CHD8: variants seen among roughly 807,000 people sequenced by gnomAD.
CHD8 encodes the protein chromodomain helicase DNA binding protein 8, also known as ATP-dependent chromatin remodeler CHD8.
CHD8 carries 31 observed loss-of-function variants against 279.2 expected under a neutral mutation model. The observed-to-expected ratio is 0.11, with a 90% confidence interval of 0.08 to 0.15. The LOEUF is 0.15. Among genes scored for constraint, CHD8 ranks in the 10% least tolerant of loss-of-function variants. The pLI is 1.00. For missense variants in CHD8, 2,146 were observed against 3,230.5 expected (o/e 0.66, Z 8.14); for synonymous variants, 1,081 against 1,139.6 (o/e 0.95, Z 1.04).
rs1888695150 is a variant in CHD8 at position 21,415,773 on chromosome 14, T to A, written c.1851A>T (p.Pro617=). The A allele has an allele frequency of 6.2e-7, 1 of 1,613,866 alleles. No individual in the cohort carries two copies. The highest frequency in any genetic ancestry group is 2.2e-5 in the East Asian group (1 of 44,868). Residue 617 remains proline (P), a synonymous_variant, in exon 6 of 38, where the codon CCA becomes CCT. Transcript: ENST00000646647. ...AAGTCTCGCCATCTGGTTCTTGCACTGGTTCAGGGAGGATAGGCTCAGGTT... is the reference window on the plus strand; with the variant it reads ...AAGTCTCGCCATCTGGTTCTTGCACAGGTTCAGGGAGGATAGGCTCAGGTT... ...PIKPEPILPE[P]VQEPDGETLP... is the part of the protein sequence containing the mutation.
At chr14:21,390,228 C>G (rs976822244) in intron 37 of CHD8, among the ~76,000 whole-genome samples, 1 of 151,946 alleles carries the variant, frequency 6.6e-6, no homozygotes, top group Non-Finnish European at 1.5e-5. Flanking sequence ...AGAGTGAGAC[C>G]ATGTCTCAAA....
In CHD8 at chr14:21,392,533, T is replaced by G; in HGVS notation, c.6745A>C (p.Lys2249Gln). The change falls in exon 34 of 38, where the codon AAG (lysine) becomes CAG (glutamine). Residue 2249 changes from lysine (K) to glutamine (Q), a missense_variant. This residue lies in a region of CHD8 where 513 missense variants were observed against 637.6 expected (regional missense o/e 0.80). Transcript: ENST00000646647. ...FTKLRRGMDEKEFTVQIKDEE... is the reference protein window; with the variant it reads ...FTKLRRGMDEQEFTVQIKDEE... ...TCTTTGATTTGAACTGTAAACTCCT[T>G]TTCATCCATGCCTCGGCGAAGTTTG... The G allele has an allele frequency of 6.2e-7, 1 of 1,612,768 alleles. No homozygotes were observed. Among genetic ancestry groups the G allele is most frequent in the Non-Finnish European group, 8.5e-7 (1 of 1,179,884 alleles).
chr14:21,427,446 AT>A (rs202107290), intron 4 of CHD8: 1,003 of 44,878 alleles, frequency 0.022, 108 homozygotes, highest in African/African-American at 0.063. Flanking sequence ...TCCCATCACA[AT>A]AGCAAGGAGC....
intron 5 of CHD8, among the ~76,000 whole-genome samples, chr14:21,421,126 G>A (rs889778886): frequency 3.3e-5 from 5 of 151,792 alleles, no homozygotes; most frequent in African/African-American, 1.2e-4. Flanking sequence ...TTTCACACAG[G>A]GCCAAAGGAC....
chr14:21,443,650 C>T (rs148188106), intron 1 of CHD8, among the ~76,000 whole-genome samples: 10 of 151,292 alleles, frequency 6.6e-5, no homozygotes, highest in African/African-American at 1.9e-4. Flanking sequence ...GTCAGGAGAT[C>T]GAGACCATCC....
At chr14:21,388,103 G>GT (rs753032990) in intron 37 of CHD8, among the ~76,000 whole-genome samples, 24 of 152,088 alleles carry the variant, frequency 1.6e-4, no homozygotes, top group Non-Finnish European at 2.9e-4. Flanking sequence ...TTCTCCCATG[G>GT]TAACACTTCC....
chr14:21,391,322 G>T, intron 36 of CHD8, 141 bp downstream of exon 36: 1 of 810,532 alleles, frequency 1.2e-6, no homozygotes, highest in Non-Finnish European at 1.9e-6. Context: ...TTGTGAGGTT[G>T]GAAGACTGGG....
At position 21,403,800 on chromosome 14, in the gene CHD8, CAA is replaced by C; in HGVS notation, c.3308-139_3308-138del. The C allele has an allele frequency of 1.3e-6, 1 of 799,728 alleles. No homozygotes were observed. The highest frequency in any genetic ancestry group is 2.0e-6 in the Non-Finnish European group (1 of 506,278). The allele number at this position is 799,728 out of a possible 1,614,324, so 49.5% of individuals were successfully genotyped here. A position where few individuals can be genotyped will look rare whatever the true frequency, so the allele number is the denominator to read the frequency against. ...ATTTCTCACACACAGAATTTCAGCA[CAA>C]AAAAGTCTTAAATCGGCTGGGTACG... On this transcript the variant is annotated intron_variant, in intron 16 of 37. Coordinates refer to ENST00000646647, the MANE Select transcript of CHD8 (RefSeq NM_001170629.2). The surrounding 1 kb of genome is among the most constrained non-coding windows in gnomAD (Gnocchi z 4.3).
chr14:21,415,293 G>A (rs1247540202), intron 7 of CHD8: 1 of 372,944 alleles, frequency 2.7e-6, no homozygotes, highest in East Asian at 5.1e-5. Context: ...GACATCCAAA[G>A]GTGCTCATTA....
At chr14:21,423,050 T>A (rs1191790392) in intron 5 of CHD8, among the ~76,000 whole-genome samples, 1 of 151,792 alleles carries the variant, frequency 6.6e-6, no homozygotes, top group Admixed American at 6.6e-5. Context: ...GGCGAAACCC[T>A]GTCTACTAAA....
rs886043611 is a variant in CHD8, at chr14:21,431,390, G to A, written c.254C>T (p.Pro85Leu). 28 of 1,537,174 alleles carry A rather than the reference G, an allele frequency of 1.8e-5. No homozygotes were observed. Among genetic ancestry groups the A allele is most frequent in the Non-Finnish European group, 2.4e-5 (28 of 1,146,926 alleles). Reference sequence around the variant, plus strand: ...ATGCAAGGTTATGGATTCTGGAGCTGGAGCTGTGGATTCTTTGGAAAGTTC... The same window carrying A: ...ATGCAAGGTTATGGATTCTGGAGCTAGAGCTGTGGATTCTTTGGAAAGTTC... ...PTELSKESTAPAPESITLHDY... is the reference protein window; with the variant it reads ...PTELSKESTALAPESITLHDY... The change falls in exon 2 of 38, where the codon CCA (proline) becomes CTA (leucine). Residue 85 changes from proline to leucine, a missense_variant. By Grantham distance (98) the Pro-to-Leu change is moderately conservative (BLOSUM62 -3). Around this residue, in one of 26 missense-constraint regions of CHD8, gnomAD observed 302 missense variants for 325.5 expected, o/e 0.93. Transcript: ENST00000646647.
Position 21,402,081 on chromosome 14 carries a change from G to A in CHD8, c.3938C>T (p.Ala1313Val). Residue 1313 changes from alanine (A) to valine (V), a missense_variant, in exon 20 of 38, where the codon GCA becomes GTA. Physicochemically the swap from Ala to Val is moderately conservative, Grantham distance 64. This residue lies in a region of CHD8 where 35 missense variants were observed against 82.4 expected (regional missense o/e 0.42). Coordinates refer to ENST00000646647, the MANE Select transcript of CHD8 (RefSeq NM_001170629.2). This position sits in a 1 kb window ranked among gnomAD's most constrained non-coding sequence, Gnocchi z 4.5. ...IEDLLRKGAY[A>V]AIMEEDDEGS... ...TTCATCATCTTCCTCCATGATGGCT[G>A]CATATGCTCCTTTTCTTAAAAGATC... is the stretch of plus-strand genomic sequence containing the variant. 2 of 1,612,772 alleles carry A rather than the reference G, an allele frequency of 1.2e-6. No individual in the cohort carries two copies. The highest frequency in any genetic ancestry group is 1.7e-4 in the Middle Eastern group (1 of 6,056).
intron 37 of CHD8, among the ~76,000 whole-genome samples, chr14:21,390,431 A>C (rs1887473974): frequency 6.6e-6 from 1 of 152,184 alleles, no homozygotes; most frequent in Admixed American, 6.5e-5. Flanking sequence ...TAGTTTTTAG[A>C]ATGTTATGCT....
chr14:21,417,200 G>A (rs1342512386), intron 5 of CHD8, among the ~76,000 whole-genome samples: 2 of 152,254 alleles, frequency 1.3e-5, no homozygotes, highest in East Asian at 3.9e-4. Context: ...TTTGGTGAGA[G>A]TACATATAGG....
intron 34 of CHD8, 70 bp downstream of exon 34, chr14:21,392,437 T>A (rs1887589731): frequency 7.1e-7 from 1 of 1,414,664 alleles, no homozygotes; most frequent in Admixed American, 2.0e-5. Context: ...AGTAACCTAT[T>A]AGTAAAATTA....
intron 1 of CHD8, among the ~76,000 whole-genome samples, chr14:21,439,827 A>AT (rs1177960955): frequency 2.0e-5 from 3 of 152,148 alleles, no homozygotes; most frequent in Non-Finnish European, 4.4e-5. Flanking sequence ...CTATTGTCGT[A>AT]TTTTTTCTAA....
At chr14:21,425,930 C>CT (rs1468829639) in intron 5 of CHD8, 198 bp downstream of exon 5, 1 of 543,212 alleles carries the variant, frequency 1.8e-6, no homozygotes, top group Non-Finnish European at 3.2e-6. Flanking sequence ...GAGCAAGACT[C>CT]TGTCTCAAGA....
At chr14:21,450,732 C>G (rs1057219170) in intron 1 of CHD8, among the ~76,000 whole-genome samples, 2 of 151,636 alleles carry the variant, frequency 1.3e-5, no homozygotes, top group Non-Finnish European at 2.9e-5. Flanking sequence ...GCCTTCTTCT[C>G]AAATAAAATT....
chr14:21,409,799 A>G, intron 11 of CHD8, 52 bp downstream of exon 11: 2 of 1,528,316 alleles, frequency 1.3e-6, no homozygotes, highest in South Asian at 1.2e-5. Context: ...TAGGGGAAAA[A>G]ATTTAATCAT....
Sources: gnomAD v4.1 joint callset for allele counts (sites outside exome capture counted in the v4.1 genomes callset) on GRCh38, gnomAD v4.1.1 for gene constraint, gnomAD v4.1.1 regional missense constraint, Gnocchi (gnomAD v3.1) non-coding constraint, MANE v1.5 for transcripts, NCBI Gene and HGNC (gene_info 2026-07-23, HGNC 2026-07-21) for gene names.